The following PPA2 variants were observed in gnomAD, a reference collection of about 807,000 sequenced individuals.
The protein encoded by PPA2 is inorganic pyrophosphatase 2, mitochondrial.
In PPA2, 48 loss-of-function variants were observed where a neutral mutation model predicts 49.5. The observed-to-expected ratio is 0.97, with a 90% CI of 0.77 to 1.23. PPA2 has a LOEUF of 1.23. Among genes scored for constraint, PPA2 ranks in the 50% most tolerant of loss-of-function variants. PPA2 has a pLI of 0.00. For synonymous variants in PPA2, 131 were observed against 139.9 expected, an observed-to-expected ratio of 0.94 and a Z score of 0.45; for missense variants, 429 against 410.1, an observed-to-expected ratio of 1.05 and a Z score of -0.40.
intron 5 of PPA2, among the ~76,000 whole-genome samples, chr4:105,445,273 C>T (rs539443576): frequency 6.6e-6 from 1 of 152,178 alleles, no homozygotes; most frequent in Admixed American, 6.6e-5. Context: ...CAGGCTGCAT[C>T]CCCTAAGCTT....
chr4:105,399,184 AAG>A lies in PPA2; in HGVS notation c.656-22_656-21del, dbSNP rs1391629439. On this transcript the variant is annotated intron_variant, in intron 7 of 11. Transcript: ENST00000341695. ...CAATATCTGTAAAGAAAAAAACAAA[AAG>A]ATGTTTTGTTAAGAACCAAAATTAA... is the stretch of plus-strand genomic sequence containing the variant. 1.3e-6 allele frequency: 2 copies of A among 1,580,316 alleles called. No homozygotes were observed. Among genetic ancestry groups the A allele is most frequent in the East Asian group, 2.2e-5 (1 of 44,626 alleles).
Position 105,449,373 on chromosome 4 carries a change from G to A in PPA2, c.298C>T (p.Arg100Trp), listed in dbSNP as rs371030884. 32 of 1,572,090 alleles carry A rather than the reference G, an allele frequency of 2.0e-5. No homozygotes were observed. The highest frequency in any genetic ancestry group is 3.5e-5 in the Admixed American group (2 of 56,468). The change falls in exon 4 of 12, where the codon CGG (arginine) becomes TGG (tryptophan). Residue 100 changes from arginine (R) to tryptophan (W), a missense_variant. By Grantham distance (101) the Arg-to-Trp change is moderately radical. Transcript: ENST00000341695. Reference sequence around the variant, plus strand: ...ACCTCCATTTTAGCATTTGTCCACCGAGGTATTTCTACAATCATATTAAAC... The same window carrying A: ...ACCTCCATTTTAGCATTTGTCCACCAAGGTATTTCTACAATCATATTAAAC... Reference protein sequence around the residue: ...NLFNMIVEIPRWTNAKMEIAT... With the variant: ...NLFNMIVEIPWWTNAKMEIAT...
chr4:105,445,447 C>A (rs532475867), intron 5 of PPA2, among the ~76,000 whole-genome samples: 1 of 152,112 alleles, frequency 6.6e-6, no homozygotes, highest in South Asian at 2.1e-4. Flanking sequence ...TGTGGGTGAT[C>A]TAACTGAATC....
chr4:105,413,894 C>A (rs1459362437), intron 7 of PPA2, among the ~76,000 whole-genome samples: 2 of 152,160 alleles, frequency 1.3e-5, no homozygotes, highest in African/African-American at 2.4e-5. Context: ...TGGAATACAT[C>A]AAAATTTAAA....
intron 6 of PPA2, among the ~76,000 whole-genome samples, chr4:105,432,634 C>G (rs1302478035): frequency 6.6e-6 from 1 of 152,184 alleles, no homozygotes; most frequent in African/African-American, 2.4e-5. Flanking sequence ...CCCACGCGGC[C>G]TACGGGCAGC....
intron 10 of PPA2, among the ~76,000 whole-genome samples, chr4:105,373,129 T>C (rs1733095782): frequency 6.6e-6 from 1 of 152,112 alleles, no homozygotes; most frequent in South Asian, 2.1e-4. Context: ...ATGAGCACCG[T>C]GCCTGGCCTA....
At chr4:105,397,872 T>C (rs1172920890) in intron 8 of PPA2, among the ~76,000 whole-genome samples, 3 of 152,208 alleles carry the variant, frequency 2.0e-5, no homozygotes, top group African/African-American at 7.2e-5. Context: ...ACCATGCTTC[T>C]GGTATAGCCT....
At chr4:105,419,695 A>G (rs1723167708) in intron 7 of PPA2, among the ~76,000 whole-genome samples, 1 of 152,242 alleles carries the variant, frequency 6.6e-6, no homozygotes, top group Admixed American at 6.5e-5. Flanking sequence ...ATAGTCTACC[A>G]AAGTCTGTAC....
chr4:105,370,981 G>T, intron 10 of PPA2, 108 bp from the exon 11 acceptor site: 2 of 1,055,938 alleles, frequency 1.9e-6, no homozygotes, highest in Non-Finnish European at 2.5e-6. Flanking sequence ...TACACACAAT[G>T]GATCTCTAAC....
At chr4:105,453,469 C>T in intron 3 of PPA2, 129 bp downstream of exon 3, 1 of 603,754 alleles carries the variant, frequency 1.7e-6, no homozygotes, top group South Asian at 4.0e-5. Context: ...TAAAGAAAAA[C>T]ATCGGAATGC....
chr4:105,446,446 T>A lies in PPA2; in HGVS notation c.378A>T (p.Leu126=), dbSNP rs751399723. Residue 126 remains leucine (L), a synonymous_variant, in exon 5 of 12, where the codon CTA becomes CTT. Coordinates refer to ENST00000341695, the MANE Select transcript of PPA2 (RefSeq NM_176869.3). ...PIKQYVKDGK[L]RYVANIFPYK... The stretch of plus-strand genomic sequence containing the variant: ...AAGGGAAGATATTCGCCACATAGCG[T>A]AGCTTTCCATCCTTTACATATTGTT... 1 of 1,606,748 alleles carries A rather than the reference T, an allele frequency of 6.2e-7. No homozygotes were observed. The highest frequency in any genetic ancestry group is 8.5e-7 in the Non-Finnish European group (1 of 1,177,372).
chr4:105,377,269 C>T (rs903697525), intron 10 of PPA2, among the ~76,000 whole-genome samples: 1 of 152,154 alleles, frequency 6.6e-6, no homozygotes, highest in African/African-American at 2.4e-5. Context: ...ATTTCTCTCT[C>T]TTTGATCGAT....
At chr4:105,450,400 G>A (rs968450343) in intron 3 of PPA2, among the ~76,000 whole-genome samples, 3 of 148,850 alleles carry the variant, frequency 2.0e-5, no homozygotes, top group Non-Finnish European at 4.4e-5. Context: ...CTCCCAAGAC[G>A]GAGTCTTACT....
At chr4:105,412,683 G>C (rs192207239) in intron 7 of PPA2, among the ~76,000 whole-genome samples, 2 of 152,220 alleles carry the variant, frequency 1.3e-5, no homozygotes. Context: ...GATATGAACA[G>C]ACACTTCTCA....
chr4:105,401,191 G>A (rs571142196), intron 7 of PPA2, among the ~76,000 whole-genome samples: 96 of 152,070 alleles, frequency 6.3e-4, no homozygotes, highest in African/African-American at 2.3e-3. Flanking sequence ...TGTTCCTCAC[G>A]AAATTCCTGA....
At chr4:105,423,090 A>G (rs1388869418) in intron 7 of PPA2, 1 of 152,166 alleles carries the variant, frequency 6.6e-6, no homozygotes, top group Non-Finnish European at 1.5e-5. Context: ...AAATAGAAAA[A>G]ATCAGGGTAA....
At chr4:105,471,382 C>T (rs1239414140) in intron 1 of PPA2, among the ~76,000 whole-genome samples, 2 of 152,110 alleles carry the variant, frequency 1.3e-5, no homozygotes, top group Admixed American at 1.3e-4. Context: ...AGTATTACAT[C>T]AATCATTTAT....
chr4:105,411,419 T>TA (rs1012192578), intron 7 of PPA2, among the ~76,000 whole-genome samples: 7 of 152,080 alleles, frequency 4.6e-5, no homozygotes, highest in African/African-American at 1.7e-4. Flanking sequence ...AGCAAGTACT[T>TA]AGAGACCTAC....
At chr4:105,406,273 A>G (rs1679435092) in intron 7 of PPA2, among the ~76,000 whole-genome samples, 2 of 152,052 alleles carry the variant, frequency 1.3e-5, no homozygotes, top group African/African-American at 4.8e-5. Flanking sequence ...AACAGTAAGG[A>G]AAAAAAAGAT....
Sources: gnomAD v4.1 joint callset for allele counts (sites outside exome capture counted in the v4.1 genomes callset) on GRCh38, gnomAD v4.1.1 for gene constraint, MANE v1.5 for transcripts, NCBI Gene and HGNC (gene_info 2026-07-23, HGNC 2026-07-21) for gene names.